The following USP25 variants were observed in gnomAD, a reference collection of about 807,000 sequenced individuals.
The protein encoded by USP25 is ubiquitin specific peptidase 25.
In USP25, 85 loss-of-function variants were observed where a neutral mutation model predicts 158.5. The ratio of observed to expected loss-of-function variants is 0.54; its 90% CI spans 0.45 to 0.64. The LOEUF (loss-of-function observed/expected upper bound fraction) is 0.64. Among genes scored for constraint, USP25 ranks in the 30% least tolerant of loss-of-function variants. The probability of loss-of-function intolerance (pLI) is 0.00; values close to 1 mark genes in which losing one functional copy is unlikely to be tolerated. For missense variants in USP25, 1,242 were observed against 1,327.3 expected (o/e 0.94, Z 1.00); for synonymous variants, 464 against 460.4 (o/e 1.01, Z -0.10).
intron 18 of USP25, among the ~76,000 whole-genome samples, chr21:15,844,973 ATTTGTGTCTACTT>A (rs1287436237): frequency 2.6e-5 from 4 of 152,144 alleles, no homozygotes; most frequent in Admixed American, 2.6e-4. Context: ...TCAATCGTAT[ATTTGTGTCTACTT>A]TTACATTATA....
intron 1 of USP25, among the ~76,000 whole-genome samples, chr21:15,750,666 G>A (rs1390056605): frequency 6.6e-6 from 1 of 151,818 alleles, no homozygotes; most frequent in African/African-American, 2.4e-5. Flanking sequence ...GAGTGCCGTG[G>A]CGTGATCACG....
At chr21:15,810,945 G>A (rs376609918) in intron 8 of USP25, among the ~76,000 whole-genome samples, 192 bp from the exon 9 acceptor site, 1 of 152,078 alleles carries the variant, frequency 6.6e-6, no homozygotes, top group Non-Finnish European at 1.5e-5. Context: ...ATAGTTATCC[G>A]CAGTTGACAG....
Position 15,875,128 on chromosome 21 carries a change from C to T in USP25, c.3009+602C>T, listed in dbSNP as rs749695467. Among the ~76,000 whole-genome samples, 27 of 152,242 alleles carry T rather than the reference C, an allele frequency of 1.8e-4. No individual in the cohort carries two copies. Among genetic ancestry groups the T allele is most frequent in the Non-Finnish European group, 3.7e-4 (25 of 68,012 alleles). On this transcript the variant is annotated intron_variant, in intron 24 of 25. Transcript: ENST00000400183. This position sits in a 1 kb window ranked among gnomAD's most constrained non-coding sequence, Gnocchi z 4.7. ...TGGAGGTTGCCTTGAGCCAAGATCGCGCCACTGCATTCCATCCTGGCAACC... is the reference window on the plus strand; with the variant it reads ...TGGAGGTTGCCTTGAGCCAAGATCGTGCCACTGCATTCCATCCTGGCAACC...
chr21:15,832,154 A>G (rs1053450906), intron 16 of USP25, among the ~76,000 whole-genome samples: 2 of 152,176 alleles, frequency 1.3e-5, no homozygotes, highest in Admixed American at 1.3e-4. Flanking sequence ...TTCCCCTGCA[A>G]ACTATTTCTT....
chr21:15,764,873 A>G (rs1028321310), intron 2 of USP25, among the ~76,000 whole-genome samples: 6 of 152,052 alleles, frequency 3.9e-5, no homozygotes, highest in Non-Finnish European at 7.4e-5. Flanking sequence ...GACTGCTACA[A>G]CTGGAATTGG....
chr21:15,830,320 G>A (rs1453524238), intron 14 of USP25, among the ~76,000 whole-genome samples: 2 of 151,978 alleles, frequency 1.3e-5, no homozygotes, highest in African/African-American at 4.8e-5. Context: ...TCATATTTGT[G>A]TTGTTTTTAA....
chr21:15,835,266 A>G (rs181445722), intron 17 of USP25, among the ~76,000 whole-genome samples: 32 of 152,324 alleles, frequency 2.1e-4, no homozygotes, highest in African/African-American at 7.7e-4. Flanking sequence ...TGTGATACCA[A>G]AATATTAAGT....
chr21:15,791,460 T>C (rs913107773), intron 4 of USP25, 42 bp from the exon 5 acceptor site: 2 of 1,551,356 alleles, frequency 1.3e-6, no homozygotes, highest in Non-Finnish European at 1.7e-6. Flanking sequence ...CTGGGATATA[T>C]ACCATTATAT....
chr21:15,820,642 A>T (rs988343964), intron 10 of USP25, among the ~76,000 whole-genome samples: 8 of 152,000 alleles, frequency 5.3e-5, no homozygotes, highest in African/African-American at 1.4e-4. Flanking sequence ...ATCAGTTTTT[A>T]AAAAATAACA....
intron 1 of USP25, among the ~76,000 whole-genome samples, chr21:15,735,509 C>T (rs560294391): frequency 4.4e-4 from 67 of 152,286 alleles, no homozygotes; most frequent in Admixed American, 1.3e-3. Flanking sequence ...CTTTGACATT[C>T]GCAGATTTTG....
intron 5 of USP25, 125 bp downstream of exon 5, chr21:15,791,789 C>A: frequency 1.0e-6 from 1 of 958,588 alleles, no homozygotes; most frequent in Non-Finnish European, 1.4e-6. Flanking sequence ...ACTATTTTGT[C>A]TAATAAACTA....
rs763739148 is a variant in USP25, at chr21:15,864,412, C to G, written c.2692C>G (p.Gln898Glu). The G allele has an allele frequency of 7.5e-6, 12 of 1,606,672 alleles. No individual in the cohort carries two copies. The South Asian group carries it at 1.2e-4, about 17-fold the overall frequency. Reference protein sequence around the residue: ...KKIIEKTLLEQFGDRNLSFDE... With the variant: ...KKIIEKTLLEEFGDRNLSFDE... ...AATTATTGAGAAAACATTACTAGAACAATTTGGAGATAGAAATTTGAGTTT... is the reference window on the plus strand; with the variant it reads ...AATTATTGAGAAAACATTACTAGAAGAATTTGGAGATAGAAATTTGAGTTT... The change falls in exon 21 of 26, where the codon CAA (glutamine) becomes GAA (glutamate). Residue 898 changes from glutamine to glutamate, a missense_variant. By Grantham distance (29) the Gln-to-Glu change is conservative. Transcript: ENST00000400183.
At chr21:15,755,691 C>G (rs373445575) in intron 1 of USP25, among the ~76,000 whole-genome samples, 4 of 152,176 alleles carry the variant, frequency 2.6e-5, no homozygotes, top group African/African-American at 9.6e-5. Context: ...AAGTTTAAAC[C>G]TTCACTCTGA....
intron 17 of USP25, 52 bp downstream of exon 17, chr21:15,833,600 T>A: frequency 2.0e-6 from 3 of 1,483,072 alleles, no homozygotes; most frequent in Non-Finnish European, 2.7e-6. Context: ...ATTTTTATAA[T>A]AAGATATGCT....
chr21:15,787,238 A>T (rs1359213531), intron 4 of USP25, among the ~76,000 whole-genome samples: 1 of 152,150 alleles, frequency 6.6e-6, no homozygotes, highest in Admixed American at 6.5e-5. Flanking sequence ...CCTTCAGAGA[A>T]TTAGAAAAGA....
At chr21:15,742,525 T>G (rs1289826740) in intron 1 of USP25, among the ~76,000 whole-genome samples, 1 of 152,208 alleles carries the variant, frequency 6.6e-6, no homozygotes, top group African/African-American at 2.4e-5. Flanking sequence ...TGGGGTTTTC[T>G]TTGTCTTCGT....
chr21:15,810,972 A>ATAAG (rs1359583008), intron 8 of USP25, among the ~76,000 whole-genome samples, 165 bp from the exon 9 acceptor site: 1 of 152,252 alleles, frequency 6.6e-6, no homozygotes, highest in Non-Finnish European at 1.5e-5. Context: ...AAATGGAAGA[A>ATAAG]TAAGTACCTT....
chr21:15,820,941 A>T (rs1303625727), intron 10 of USP25, among the ~76,000 whole-genome samples: 1 of 152,002 alleles, frequency 6.6e-6, no homozygotes, highest in East Asian at 1.9e-4. Context: ...GAGACAACTG[A>T]ATAAGTTAAA....
chr21:15,876,877 T>A (rs565945329), intron 24 of USP25: 1 of 152,220 alleles, frequency 6.6e-6, no homozygotes, highest in Non-Finnish European at 1.5e-5. Flanking sequence ...GAAATTCAGC[T>A]TAAAAGTCAT....
Sources: allele counts gnomAD v4.1 joint callset (sites outside exome capture counted in the v4.1 genomes callset), GRCh38; gene constraint gnomAD v4.1.1; non-coding constraint Gnocchi (gnomAD v3.1); transcripts MANE v1.5; gene names NCBI Gene and HGNC (gene_info 2026-07-23, HGNC 2026-07-21).